MAML3: variants seen among roughly 807,000 people sequenced by gnomAD.
The protein encoded by MAML3 is mastermind like transcriptional coactivator 3.
Under a neutral mutation model 101.9 loss-of-function variants are expected in MAML3, and 27 were observed. That is an observed-to-expected ratio of 0.27 (90% CI 0.20 to 0.37). MAML3 has a LOEUF of 0.37. Among genes scored for constraint, MAML3 ranks in the 10% least tolerant of loss-of-function variants. MAML3 has a pLI of 1.00. For missense variants in MAML3, 1,316 were observed against 1,444.9 expected, an observed-to-expected ratio of 0.91 and a Z score of 1.45; for synonymous variants, 501 against 555.9, an observed-to-expected ratio of 0.90 and a Z score of 1.39.
At chr4:139,788,737 C>T (rs1290376020) in intron 2 of MAML3, among the ~76,000 whole-genome samples, 2 of 152,214 alleles carry the variant, frequency 1.3e-5, no homozygotes, top group Non-Finnish European at 2.9e-5. Flanking sequence ...TCAAAGAGGA[C>T]ATGCCTCCTT....
intron 1 of MAML3, among the ~76,000 whole-genome samples, chr4:140,143,392 G>C (rs760788947): frequency 6.6e-6 from 1 of 152,184 alleles, no homozygotes; most frequent in African/African-American, 2.4e-5. Flanking sequence ...AATATGCCTA[G>C]CATTTGTGCA....
At chr4:139,936,479 A>C (rs549908145) in intron 1 of MAML3, among the ~76,000 whole-genome samples, 1 of 152,318 alleles carries the variant, frequency 6.6e-6, no homozygotes, top group South Asian at 2.1e-4. Flanking sequence ...ACTGTTCTTC[A>C]TAATAGCTGT....
intron 2 of MAML3, among the ~76,000 whole-genome samples, chr4:139,826,367 G>A (rs1379316681): frequency 6.6e-6 from 1 of 152,096 alleles, no homozygotes; most frequent in Non-Finnish European, 1.5e-5. Flanking sequence ...GTTCATAAGA[G>A]TGCTTACCTT....
At chr4:139,830,965 G>T (rs1423032564) in intron 2 of MAML3, among the ~76,000 whole-genome samples, 2 of 152,092 alleles carry the variant, frequency 1.3e-5, no homozygotes, top group East Asian at 3.9e-4. Flanking sequence ...AACAAAAAAA[G>T]CAATATTGAT....
intron 1 of MAML3, among the ~76,000 whole-genome samples, chr4:140,048,847 G>A (rs551457527): frequency 4.2e-4 from 64 of 152,190 alleles, no homozygotes; most frequent in African/African-American, 1.5e-3. Flanking sequence ...GACGATATAC[G>A]GAATACTTTG....
chr4:139,981,373 T>C (rs1441587923), intron 1 of MAML3, among the ~76,000 whole-genome samples: 1 of 152,202 alleles, frequency 6.6e-6, no homozygotes, highest in African/African-American at 2.4e-5. Flanking sequence ...ACTAGGGCTT[T>C]AGAATTCAAC....
chr4:139,806,603 A>T (rs952666779), intron 2 of MAML3, among the ~76,000 whole-genome samples: 3 of 151,666 alleles, frequency 2.0e-5, no homozygotes, highest in African/African-American at 7.3e-5. Context: ...CTCTTTTAAG[A>T]ATCTACACTA....
chr4:139,920,247 C>A (rs734209), intron 1 of MAML3, among the ~76,000 whole-genome samples: 5,560 of 152,110 alleles, frequency 0.037, 321 homozygotes, highest in African/African-American at 0.12. Flanking sequence ...TGTGTTAAGT[C>A]AGAACAAAGT....
At chr4:139,957,474 G>A (rs1035231904) in intron 1 of MAML3, among the ~76,000 whole-genome samples, 5 of 152,174 alleles carry the variant, frequency 3.3e-5, no homozygotes, top group Non-Finnish European at 4.4e-5. Context: ...ACCATGGGAC[G>A]TATTTAGAAG....
chr4:139,863,340 G>GC (rs1471346545), intron 2 of MAML3, among the ~76,000 whole-genome samples: 2 of 120,428 alleles, frequency 1.7e-5, no homozygotes, highest in Admixed American at 1.0e-4. Flanking sequence ...TTTTTCCTGT[G>GC]CCCTTTTTTT....
At chr4:139,972,725 A>T (rs1399722139) in intron 1 of MAML3, among the ~76,000 whole-genome samples, 6 of 152,362 alleles carry the variant, frequency 3.9e-5, no homozygotes, top group East Asian at 3.8e-4. Flanking sequence ...ATTTTACTTT[A>T]TGTAAATTAT....
At chr4:139,998,781 G>A (rs1433397707) in intron 1 of MAML3, among the ~76,000 whole-genome samples, 2 of 152,054 alleles carry the variant, frequency 1.3e-5, no homozygotes, top group African/African-American at 4.8e-5. Context: ...TTAATTCTGT[G>A]AATTCTGTCT....
At chr4:139,860,669 G>A (rs962712870) in intron 2 of MAML3, among the ~76,000 whole-genome samples, 2 of 152,168 alleles carry the variant, frequency 1.3e-5, no homozygotes, top group Non-Finnish European at 2.9e-5. Context: ...TAGGCTGTGC[G>A]CACACAATAC....
chr4:140,050,250 C>T (rs1021682325), intron 1 of MAML3, among the ~76,000 whole-genome samples: 1 of 152,066 alleles, frequency 6.6e-6, no homozygotes, highest in African/African-American at 2.4e-5. Flanking sequence ...ACTTATCCAT[C>T]CCAACCCACC....
chr4:140,043,574 CTA>C (rs564987135), intron 1 of MAML3, among the ~76,000 whole-genome samples: 139 of 152,242 alleles, frequency 9.1e-4, no homozygotes, highest in African/African-American at 3.3e-3. Context: ...ATCTGAGCTA[CTA>C]AAGAATTTAA....
At chr4:139,784,258 C>G (rs573409652) in intron 2 of MAML3, among the ~76,000 whole-genome samples, 1 of 152,328 alleles carries the variant, frequency 6.6e-6, no homozygotes, top group South Asian at 2.1e-4. Context: ...CTCCTCTTAT[C>G]GACACACAGA....
At chr4:139,978,009 G>T (rs1175045705) in intron 1 of MAML3, among the ~76,000 whole-genome samples, 1 of 152,204 alleles carries the variant, frequency 6.6e-6, no homozygotes, top group East Asian at 1.9e-4. Flanking sequence ...GCAGAAGGTA[G>T]CACAATGGAT....
chr4:139,781,298 C>T (rs1423710021), intron 2 of MAML3, among the ~76,000 whole-genome samples: 1 of 152,076 alleles, frequency 6.6e-6, no homozygotes, highest in Non-Finnish European at 1.5e-5. Context: ...TCAGTTGCCT[C>T]ACTTTTGGGG....
intron 1 of MAML3, among the ~76,000 whole-genome samples, chr4:139,906,548 A>G (rs1386835153): frequency 1.3e-5 from 2 of 152,256 alleles, no homozygotes; most frequent in Admixed American, 6.5e-5. Context: ...CAGAGGAAGA[A>G]CAAGGAATGA....
Sources: allele counts gnomAD v4.1 joint callset (sites outside exome capture counted in the v4.1 genomes callset), GRCh38; gene constraint gnomAD v4.1.1; transcripts MANE v1.5; gene names NCBI Gene and HGNC (gene_info 2026-07-23, HGNC 2026-07-21).